NBEA: variants seen among roughly 807,000 people sequenced by gnomAD.
NBEA encodes the protein neurobeachin.
NBEA carries 44 observed loss-of-function variants against 343.4 expected under a neutral mutation model. The observed-to-expected ratio is 0.13, with a 90% confidence interval of 0.10 to 0.16. The LOEUF (loss-of-function observed/expected upper bound fraction) is 0.16. Among genes scored for constraint, NBEA ranks in the 10% least tolerant of loss-of-function variants. The pLI is 1.00. For missense variants in NBEA, 2,555 were observed against 3,631.3 expected (o/e 0.70, Z 7.62); for synonymous variants, 1,175 against 1,238.7 (o/e 0.95, Z 1.08).
Position 35,671,060 on chromosome 13 carries a change from C to CT in NBEA, c.*70dup. 1 of 1,196,998 alleles carries CT rather than the reference C, an allele frequency of 8.4e-7. No homozygotes were observed. The highest frequency in any genetic ancestry group is 1.3e-5 in the South Asian group (1 of 76,124). 74.1% of individuals were successfully genotyped at this position (1,196,998 alleles called of 1,614,324 possible). Reference sequence around the variant, plus strand: ...AGTGCTGCATGGAAAGGCAATATCTCTGGTGGAAAAAACTCGTCTACATCG... The same window carrying CT: ...AGTGCTGCATGGAAAGGCAATATCTCTTGGTGGAAAAAACTCGTCTACATCG... On this transcript the variant is annotated 3_prime_UTR_variant, in exon 59 of 59. Coordinates refer to ENST00000379939, the MANE Select transcript of NBEA (RefSeq NM_001385012.1).
At chr13:34,987,752 A>T (rs954825903) in intron 1 of NBEA, among the ~76,000 whole-genome samples, 1 of 150,824 alleles carries the variant, frequency 6.6e-6, no homozygotes, top group Non-Finnish European at 1.5e-5. Context: ...TTGATCTTCA[A>T]TCACTGATAT....
intron 18 of NBEA, among the ~76,000 whole-genome samples, chr13:35,149,981 G>T (rs1377091634): frequency 6.6e-6 from 1 of 152,060 alleles, no homozygotes; most frequent in Non-Finnish European, 1.5e-5. Flanking sequence ...TCCAGATTTT[G>T]GTCTCTGGTG....
chr13:35,026,450 T>C (rs2062022723), intron 1 of NBEA, among the ~76,000 whole-genome samples: 1 of 152,156 alleles, frequency 6.6e-6, no homozygotes, highest in Admixed American at 6.6e-5. Context: ...CTCAGTTTTT[T>C]CTCTAGTATG....
chr13:35,458,356 C>G (rs957756262), intron 40 of NBEA, among the ~76,000 whole-genome samples: 1 of 152,184 alleles, frequency 6.6e-6, no homozygotes, highest in African/African-American at 2.4e-5. Flanking sequence ...GACTAGATCG[C>G]TTAAAGACAG....
chr13:35,561,939 A>G (rs1488827998), intron 44 of NBEA, among the ~76,000 whole-genome samples: 2 of 152,138 alleles, frequency 1.3e-5, no homozygotes, highest in African/African-American at 4.8e-5. Context: ...AATGTTCATT[A>G]TAGAAAATTG....
rs774077819 is a variant in NBEA, at chr13:35,472,532, C to T, written c.6581C>T (p.Thr2194Met). 3 of 1,613,968 alleles carry T rather than the reference C, an allele frequency of 1.9e-6. No homozygotes were observed. The South Asian group carries it at 3.3e-5, about 18-fold the overall frequency. Residue 2194 changes from threonine (T) to methionine (M), a missense_variant, in exon 41 of 59, where the codon ACG becomes ATG. Physicochemically the swap from Thr to Met is moderately conservative, Grantham distance 81. Transcript: ENST00000379939. Reference sequence around the variant, plus strand: ...GATTCTGCCTTCAAGAAGATCGACACGAAAGTGAGTTAAAGCGATTCCATG... The same window carrying T: ...GATTCTGCCTTCAAGAAGATCGACATGAAAGTGAGTTAAAGCGATTCCATG... ...EDDSAFKKIDTKVLAYTEGLH... is the reference protein window; with the variant it reads ...EDDSAFKKIDMKVLAYTEGLH...
At chr13:35,124,535 C>CATATATGGATATATATATACATACACAT (rs1427511324) in intron 17 of NBEA, among the ~76,000 whole-genome samples, 3 of 149,026 alleles carry the variant, frequency 2.0e-5, no homozygotes, top group South Asian at 2.1e-4. Context: ...TATATACACA[C>CATATATGGATATATATATACATACACAT]ATATATGGAT....
chr13:35,295,785 A>G (rs1337052427), intron 35 of NBEA, among the ~76,000 whole-genome samples: 1 of 152,160 alleles, frequency 6.6e-6, no homozygotes, highest in Non-Finnish European at 1.5e-5. Context: ...ATGTTCAATT[A>G]CTTACAGCAT....
chr13:35,373,033 A>G (rs1461647209), intron 38 of NBEA, among the ~76,000 whole-genome samples: 1 of 152,172 alleles, frequency 6.6e-6, no homozygotes, highest in East Asian at 1.9e-4. Context: ...CCAAGGGCCA[A>G]GGGACTCGCC....
chr13:35,290,483 A>C (rs528069730), intron 35 of NBEA, 33 bp downstream of exon 35: 1 of 1,503,808 alleles, frequency 6.6e-7, no homozygotes, highest in African/African-American at 1.4e-5. Flanking sequence ...TTACATTAAT[A>C]TATGAGGGTT....
intron 13 of NBEA, among the ~76,000 whole-genome samples, chr13:35,116,314 T>G (rs2066488377): frequency 6.6e-6 from 1 of 152,196 alleles, no homozygotes; most frequent in African/African-American, 2.4e-5. Context: ...TTCAATTTCT[T>G]GACCAAAGAA....
intron 48 of NBEA, among the ~76,000 whole-genome samples, chr13:35,617,573 A>G (rs2082789561): frequency 6.6e-6 from 1 of 152,214 alleles, no homozygotes; most frequent in Non-Finnish European, 1.5e-5. Flanking sequence ...AAAAGCCCAC[A>G]CTGCTGCCTC....
At position 35,566,931 on chromosome 13, in the gene NBEA, T is replaced by C; in HGVS notation, c.6949T>C (p.Tyr2317His). The change falls in exon 45 of 59, where the codon TAT (tyrosine) becomes CAT (histidine). Residue 2317 changes from tyrosine to histidine, a missense_variant. Coordinates refer to ENST00000379939, the MANE Select transcript of NBEA (RefSeq NM_001385012.1). ...AGRTYNDLNQ[Y>H]PVFPWVLTNY... ...ACGGACATATAATGATCTGAACCAA[T>C]ATCCAGTGTTTCCGTGGGTGTTAAC... The C allele has an allele frequency of 6.2e-7, 1 of 1,610,856 alleles. No individual in the cohort carries two copies. The highest frequency in any genetic ancestry group is 8.5e-7 in the Non-Finnish European group (1 of 1,177,358).
rs2084952457 is a variant in NBEA, at chr13:35,659,179, C to A, written c.8362+3430C>A. ...AGGTTTTGGAGGTTGTATGTATTAA[C>A]CTATCCTTGACGTGGGAAGTCCTGG... is the stretch of plus-strand genomic sequence containing the variant. On this transcript the variant is annotated intron_variant, in intron 55 of 58. Transcript: ENST00000379939. 2.0e-5 allele frequency among the ~76,000 whole-genome samples: 3 copies of A among 152,130 alleles called. No homozygotes were observed. In the South Asian group the frequency reaches 6.2e-4, roughly 32 times the overall value.
At chr13:35,147,616 G>T (rs1201968011) in intron 18 of NBEA, among the ~76,000 whole-genome samples, 1 of 152,168 alleles carries the variant, frequency 6.6e-6, no homozygotes, top group East Asian at 1.9e-4. Flanking sequence ...TAAAGGTGGA[G>T]CTGGGTAAGA....
chr13:35,530,578 C>A (rs1482975159), intron 41 of NBEA, among the ~76,000 whole-genome samples: 2 of 152,150 alleles, frequency 1.3e-5, no homozygotes, highest in East Asian at 3.9e-4. Context: ...ATTTTTGTTT[C>A]CTTCCCCTTT....
Position 35,671,347 on chromosome 13 carries a change from G to T in NBEA, c.*356G>T. On this transcript the variant is annotated 3_prime_UTR_variant, in exon 59 of 59. Transcript: ENST00000379939. ...CCAGTTGTTACAAAGTTTAAGCTTTGAACCTAACCTGCATCCCATTTCCAG... is the reference window on the plus strand; with the variant it reads ...CCAGTTGTTACAAAGTTTAAGCTTTTAACCTAACCTGCATCCCATTTCCAG... 6.3e-6 allele frequency: 1 copy of T among 158,354 alleles called. No individual in the cohort carries two copies. Among genetic ancestry groups the T allele is most frequent in the Non-Finnish European group, 1.3e-5 (1 of 74,248 alleles). 9.8% of individuals were successfully genotyped at this position (158,354 alleles called of 1,614,324 possible). A position where few individuals can be genotyped will look rare whatever the true frequency, so the allele number is the denominator to read the frequency against.
intron 46 of NBEA, among the ~76,000 whole-genome samples, chr13:35,591,886 C>A (rs559488416): frequency 4.5e-4 from 68 of 152,080 alleles, no homozygotes; most frequent in Non-Finnish European, 8.8e-4. Context: ...ATGTAGGTTT[C>A]TTAGCATTAT....
At chr13:35,189,639 A>G (rs2072022759) in intron 30 of NBEA, among the ~76,000 whole-genome samples, 1 of 151,992 alleles carries the variant, frequency 6.6e-6, no homozygotes, top group South Asian at 2.1e-4. Flanking sequence ...ATTTATTTAA[A>G]ATATAAAAAT....
Sources: gnomAD v4.1 joint callset for allele counts (sites outside exome capture counted in the v4.1 genomes callset) on GRCh38, gnomAD v4.1.1 for gene constraint, MANE v1.5 for transcripts, NCBI Gene and HGNC (gene_info 2026-07-23, HGNC 2026-07-21) for gene names.